SCTR: variants seen among roughly 807,000 people sequenced by gnomAD.
SCTR encodes the protein secretin receptor.
A neutral mutation model predicts 60.8 loss-of-function variants in SCTR; 56 were observed. The observed-to-expected ratio is 0.92, with a 90% CI of 0.74 to 1.15. The LOEUF is 1.15. SCTR is among the 50% of genes most tolerant of loss of function. SCTR has a pLI of 0.00. For missense variants in SCTR, 562 were observed against 550.4 expected (o/e 1.02, Z -0.21); for synonymous variants, 202 against 217.0 (o/e 0.93, Z 0.61).
chr2:119,505,860 A>G (rs1193023591), intron 1 of SCTR, among the ~76,000 whole-genome samples: 1 of 152,236 alleles, frequency 6.6e-6, no homozygotes, highest in Non-Finnish European at 1.5e-5. Flanking sequence ...GTATAATTTA[A>G]AAAAACAGAG....
chr2:119,456,795 T>G (rs540592692), intron 7 of SCTR, among the ~76,000 whole-genome samples: 1 of 152,084 alleles, frequency 6.6e-6, no homozygotes, highest in Non-Finnish European at 1.5e-5. Flanking sequence ...TCCAGCATGA[T>G]TGGCATCCTT....
intron 2 of SCTR, chr2:119,484,789 G>A (rs1336781029): frequency 6.6e-6 from 1 of 152,192 alleles, no homozygotes; most frequent in Admixed American, 6.5e-5. Context: ...GGATGAAGAG[G>A]TATGCTGGGA....
chr2:119,495,975 A>T (rs559797010), intron 1 of SCTR, among the ~76,000 whole-genome samples: 1 of 152,158 alleles, frequency 6.6e-6, no homozygotes, highest in Non-Finnish European at 1.5e-5. Flanking sequence ...TGTCATTTAG[A>T]CTCTTGATTG....
At chr2:119,519,669 T>C (rs1366454176) in intron 1 of SCTR, among the ~76,000 whole-genome samples, 2 of 151,086 alleles carry the variant, frequency 1.3e-5, no homozygotes, top group Non-Finnish European at 3.0e-5. Context: ...AGCCAGACAT[T>C]GTGGTGCATG....
rs750588210 is a variant in SCTR at position 119,452,094 on chromosome 2, G to C, written c.852-15C>G. The C allele has an allele frequency of 6.4e-7, 1 of 1,557,944 alleles. No homozygotes were observed. On this transcript the variant is annotated splice_polypyrimidine_tract_variant and intron_variant, in intron 8 of 12. Transcript: ENST00000019103. ...TGTCCCAGCACCTAAGGGAGGGACAGCTGGGCATGGTTATGAGCAGGAGCT... is the reference window on the plus strand; with the variant it reads ...TGTCCCAGCACCTAAGGGAGGGACACCTGGGCATGGTTATGAGCAGGAGCT...
intron 3 of SCTR, among the ~76,000 whole-genome samples, chr2:119,474,451 G>A (rs915851977): frequency 1.3e-5 from 2 of 152,182 alleles, no homozygotes; most frequent in Non-Finnish European, 2.9e-5. Context: ...CGGGCTGAAT[G>A]GCCTCGCTGA....
intron 11 of SCTR, among the ~76,000 whole-genome samples, chr2:119,445,991 G>A (rs558822816): frequency 2.0e-5 from 3 of 152,322 alleles, no homozygotes; most frequent in South Asian, 2.1e-4. Context: ...AAATAGCTAT[G>A]AGTAAATAAA....
At chr2:119,467,245 G>A (rs574106887) in intron 4 of SCTR, among the ~76,000 whole-genome samples, 1 of 152,170 alleles carries the variant, frequency 6.6e-6, no homozygotes, top group Admixed American at 6.5e-5. Context: ...CAGGCATGGT[G>A]GCGTGCACCT....
chr2:119,518,504 G>GCGGGA (rs1679181681), intron 1 of SCTR, among the ~76,000 whole-genome samples: 1 of 152,178 alleles, frequency 6.6e-6, no homozygotes, highest in South Asian at 2.1e-4. Flanking sequence ...GGCTAAGACT[G>GCGGGA]CGGGACGTGA....
chr2:119,488,532 C>T (rs916280335), intron 2 of SCTR, among the ~76,000 whole-genome samples: 3 of 152,222 alleles, frequency 2.0e-5, no homozygotes, highest in Non-Finnish European at 2.9e-5. Flanking sequence ...GAAAGATGAC[C>T]GATTCTGCTC....
intron 1 of SCTR, among the ~76,000 whole-genome samples, chr2:119,504,228 C>G (rs975492170): frequency 7.2e-5 from 11 of 152,320 alleles, no homozygotes; most frequent in Middle Eastern, 3.4e-3. Context: ...GAACCTTGAG[C>G]TCAGTCTCAC....
chr2:119,465,894 G>A lies in SCTR; in HGVS notation c.406-8C>T, dbSNP rs1414793054. ...CTTCAGCAGGTAGGAGTGCTGCAGA[G>A]AGAGGCACGTGTCAGCCCCGCCGGC... On this transcript the variant is annotated splice_polypyrimidine_tract_variant and splice_region_variant and intron_variant, in intron 4 of 12. Transcript: ENST00000019103. 1.2e-6 allele frequency: 2 copies of A among 1,603,362 alleles called. No individual in the cohort carries two copies. The highest frequency in any genetic ancestry group is 1.7e-6 in the Non-Finnish European group (2 of 1,170,428).
chr2:119,507,408 A>T (rs1312000166), intron 1 of SCTR, among the ~76,000 whole-genome samples: 1 of 152,224 alleles, frequency 6.6e-6, no homozygotes, highest in Non-Finnish European at 1.5e-5. Context: ...ATGCAGAGGA[A>T]GGTAGACAAC....
intron 4 of SCTR, among the ~76,000 whole-genome samples, chr2:119,469,010 C>A (rs1245567032): frequency 6.6e-6 from 1 of 151,972 alleles, no homozygotes; most frequent in African/African-American, 2.4e-5. Context: ...CAGGAGGTGG[C>A]CTTCGATAGG....
intron 2 of SCTR, among the ~76,000 whole-genome samples, chr2:119,493,787 A>G (rs1678236751): frequency 6.6e-6 from 1 of 152,002 alleles, no homozygotes; most frequent in African/African-American, 2.4e-5. Flanking sequence ...AATTACAGGC[A>G]TGCGCCACCA....
At chr2:119,482,865 G>T (rs1335192823) in intron 2 of SCTR, among the ~76,000 whole-genome samples, 1 of 152,208 alleles carries the variant, frequency 6.6e-6, no homozygotes, top group African/African-American at 2.4e-5. Flanking sequence ...GTGACCCAGA[G>T]CCCTCTTTCC....
At chr2:119,451,341 C>T (rs1450908567) in intron 9 of SCTR, among the ~76,000 whole-genome samples, 1 of 152,216 alleles carries the variant, frequency 6.6e-6, no homozygotes, top group African/African-American at 2.4e-5. Context: ...CAGGACTCTA[C>T]CCTGGCACAG....
At chr2:119,444,268 C>CACATATACGTATGA (rs1445344584) in intron 11 of SCTR, among the ~76,000 whole-genome samples, 9 of 82,882 alleles carry the variant, frequency 1.1e-4, no homozygotes, top group South Asian at 3.3e-4. Context: ...TGAATATATA[C>CACATATACGTATGA]ATATATACAT....
At chr2:119,508,854 C>A (rs550949564) in intron 1 of SCTR, among the ~76,000 whole-genome samples, 3 of 152,264 alleles carry the variant, frequency 2.0e-5, no homozygotes, top group African/African-American at 7.2e-5. Flanking sequence ...ACTCTCTAAG[C>A]AATTTTCAAA....
Sources: allele counts gnomAD v4.1 joint callset (sites outside exome capture counted in the v4.1 genomes callset), GRCh38; gene constraint gnomAD v4.1.1; transcripts MANE v1.5; gene names NCBI Gene and HGNC (gene_info 2026-07-23, HGNC 2026-07-21).